The following NFIA variants were observed in gnomAD, a reference collection of about 807,000 sequenced individuals.
The protein encoded by NFIA is nuclear factor I A.
A neutral mutation model predicts 62.8 loss-of-function variants in NFIA; 8 were observed. The ratio of observed to expected loss-of-function variants is 0.13; its 90% CI spans 0.07 to 0.23. NFIA has a LOEUF of 0.23. Ranked by LOEUF, NFIA falls within the 10% of genes least tolerant of loss-of-function variation. NFIA has a pLI of 1.00. For missense variants in NFIA, 410 were observed against 642.1 expected (o/e 0.64, Z 3.91); for synonymous variants, 235 against 238.1 (o/e 0.99, Z 0.12).
At chr1:61,188,353 C>T (rs752195053) in intron 2 of NFIA, among the ~76,000 whole-genome samples, 18 of 152,030 alleles carry the variant, frequency 1.2e-4, no homozygotes, top group Non-Finnish European at 2.1e-4. Flanking sequence ...ATAGCCCCTC[C>T]GAGCTCAACA....
At chr1:61,077,552 A>C, upstream of NFIA, 1 of 1,257,454 alleles carries the variant, frequency 8.0e-7, no homozygotes, top group African/African-American at 1.5e-5. Context: ...TTTAAATGCA[A>C]AAAAAAGGGG....
At chr1:61,379,402 C>CTTTTTTTTTTTTTTTTTTTTTTTTTTTT (rs60735193) in intron 6 of NFIA, among the ~76,000 whole-genome samples, 1 of 98,266 alleles carries the variant, frequency 1.0e-5, no homozygotes, top group Non-Finnish European at 2.0e-5. Flanking sequence ...TTTTCTTTTT[C>CTTTTTTTTTTTTTTTTTTTTTTTTTTTT]TTTTTTTTTT....
intron 4 of NFIA, among the ~76,000 whole-genome samples, chr1:61,337,368 A>G (rs961093027): frequency 1.3e-5 from 2 of 152,134 alleles, no homozygotes; most frequent in South Asian, 2.1e-4. Flanking sequence ...GCAAGAATGG[A>G]AAGTTCTGCT....
chr1:61,292,406 G>A (rs1321439623), intron 3 of NFIA, among the ~76,000 whole-genome samples: 1 of 152,158 alleles, frequency 6.6e-6, no homozygotes, highest in Admixed American at 6.6e-5. Context: ...ATAATCATAA[G>A]TTATTCCCCT....
rs575936450 is a variant in NFIA at position 61,455,710 on chromosome 1, T to G, written c.*390T>G. Reference sequence around the variant, plus strand: ...ACGGAGCCTGGCTGTTTCACAGTATTTCATGAATTTACCCACACAGGTGTG... The same window carrying G: ...ACGGAGCCTGGCTGTTTCACAGTATGTCATGAATTTACCCACACAGGTGTG... On this transcript the variant is annotated 3_prime_UTR_variant, in exon 11 of 11. Transcript: ENST00000403491. 70 of 272,756 alleles carry G rather than the reference T, an allele frequency of 2.6e-4. No homozygotes were observed. The highest frequency in any genetic ancestry group is 1.5e-3 in the African/African-American group (66 of 45,330). 16.9% of individuals were successfully genotyped at this position (272,756 alleles called of 1,614,324 possible).
intron 2 of NFIA, among the ~76,000 whole-genome samples, chr1:61,240,201 G>A (rs960136861): frequency 2.0e-5 from 3 of 152,004 alleles, no homozygotes; most frequent in South Asian, 4.2e-4. Flanking sequence ...TTAAAATTCA[G>A]CTTTCAAGTG....
chr1:61,350,954 C>A (rs1461662434), intron 4 of NFIA, among the ~76,000 whole-genome samples: 1 of 152,138 alleles, frequency 6.6e-6, no homozygotes, highest in Non-Finnish European at 1.5e-5. Flanking sequence ...GCAGATGGTC[C>A]CCAATTTACA....
intron 5 of NFIA, among the ~76,000 whole-genome samples, chr1:61,353,710 A>G (rs1004151689): frequency 6.6e-6 from 1 of 152,174 alleles, no homozygotes; most frequent in African/African-American, 2.4e-5. Flanking sequence ...GTCATCCCTA[A>G]TACCTTGAAG....
intron 2 of NFIA, among the ~76,000 whole-genome samples, chr1:61,202,893 G>A (rs1652603295): frequency 6.6e-6 from 1 of 152,176 alleles, no homozygotes; most frequent in Non-Finnish European, 1.5e-5. Flanking sequence ...TTTATTTATT[G>A]TTAAAGCCTC....
intron 2 of NFIA, among the ~76,000 whole-genome samples, chr1:61,248,053 G>A (rs1570447646): frequency 6.6e-6 from 1 of 152,098 alleles, no homozygotes; most frequent in South Asian, 2.1e-4. Flanking sequence ...ACATTAGTCT[G>A]AGAAAGTTCT....
intron 2 of NFIA, among the ~76,000 whole-genome samples, chr1:61,209,494 T>A (rs977859242): frequency 6.6e-6 from 1 of 152,120 alleles, no homozygotes; most frequent in South Asian, 2.1e-4. Flanking sequence ...TAAACAAACA[T>A]CTTTATTTTT....
chr1:61,125,113 T>G (rs960875571), intron 2 of NFIA: 1 of 151,988 alleles, frequency 6.6e-6, no homozygotes, highest in Non-Finnish European at 1.5e-5. Context: ...GTTGATCTCG[T>G]GACAAAAGAG....
At chr1:61,142,726 T>C (rs1454753801) in intron 2 of NFIA, among the ~76,000 whole-genome samples, 1 of 152,198 alleles carries the variant, frequency 6.6e-6, no homozygotes, top group African/African-American at 2.4e-5. Context: ...ACTGAAGTGT[T>C]TTCGGGAGGG....
chr1:61,210,848 A>G (rs1653205387), intron 2 of NFIA, among the ~76,000 whole-genome samples: 3 of 152,172 alleles, frequency 2.0e-5, no homozygotes. Flanking sequence ...ACTCAGGTGG[A>G]CTTCTTTACT....
rs1241647508 is a variant in NFIA at position 61,456,312 on chromosome 1, C to G, written c.*992C>G. 6.6e-6 allele frequency: 1 copy of G among 151,050 alleles called. No homozygotes were observed. The highest frequency in any genetic ancestry group is 1.5e-5 in the Non-Finnish European group (1 of 67,800). The allele number at this position is 151,050 out of a possible 1,614,324, so 9.4% of individuals were successfully genotyped here. Reference sequence around the variant, plus strand: ...AACAGCCTTGCAAGAAAAAGGGGAGCTATTTTTGCTTTTTATGTTTTTTAT... The same window carrying G: ...AACAGCCTTGCAAGAAAAAGGGGAGGTATTTTTGCTTTTTATGTTTTTTAT... On this transcript the variant is annotated 3_prime_UTR_variant, in exon 11 of 11. Coordinates refer to ENST00000403491, the MANE Select transcript of NFIA (RefSeq NM_001134673.4).
chr1:61,088,020 G>T lies in NFIA; in HGVS notation c.28-129G>T. 3.5e-6 allele frequency: 3 copies of T among 863,864 alleles called. No individual in the cohort carries two copies. The highest frequency in any genetic ancestry group is 5.3e-6 in the Non-Finnish European group (3 of 570,848). The allele number at this position is 863,864 out of a possible 1,614,324, so 53.5% of individuals were successfully genotyped here. ...CCCATAGGATCCTGTGTATGATTTT[G>T]GTAACAGAATGCTCTAATCAAATTT... On this transcript the variant is annotated intron_variant, in intron 1 of 10. Coordinates refer to ENST00000403491, the MANE Select transcript of NFIA (RefSeq NM_001134673.4). The surrounding 1 kb of genome is among the most constrained non-coding windows in gnomAD (Gnocchi z 4.5).
intron 2 of NFIA, among the ~76,000 whole-genome samples, chr1:61,277,246 G>C (rs1349819060): frequency 6.6e-6 from 1 of 152,210 alleles, no homozygotes; most frequent in African/African-American, 2.4e-5. Context: ...CTAAGAGAAT[G>C]GTTGCTGAAG....
At chr1:61,260,224 A>G (rs1009272515) in intron 2 of NFIA, among the ~76,000 whole-genome samples, 3 of 152,216 alleles carry the variant, frequency 2.0e-5, no homozygotes, top group Non-Finnish European at 2.9e-5. Flanking sequence ...CCTATTTTCC[A>G]TGCACTTTTT....
intron 3 of NFIA, among the ~76,000 whole-genome samples, chr1:61,318,024 GA>G (rs767746851): frequency 1.3e-5 from 2 of 151,922 alleles, no homozygotes; most frequent in Non-Finnish European, 2.9e-5. Flanking sequence ...TAATATCTTG[GA>G]AATATGATTT....
Sources: allele counts gnomAD v4.1 joint callset (sites outside exome capture counted in the v4.1 genomes callset), GRCh38; gene constraint gnomAD v4.1.1; non-coding constraint Gnocchi (gnomAD v3.1); transcripts MANE v1.5; gene names NCBI Gene and HGNC (gene_info 2026-07-23, HGNC 2026-07-21).